Variants in ABL2 observed in about 807,000 individuals in gnomAD.
ABL2 encodes ABL proto-oncogene 2, non-receptor tyrosine kinase, also known as tyrosine-protein kinase ABL2.
Under a neutral mutation model 107.7 loss-of-function variants are expected in ABL2, and 49 were observed. That is an observed-to-expected ratio of 0.45 (90% CI 0.36 to 0.58). The LOEUF (loss-of-function observed/expected upper bound fraction) is 0.58, where lower values mean the gene tolerates loss of function less well. Ranked by LOEUF, ABL2 falls within the 20% of genes least tolerant of loss-of-function variation. ABL2 has a pLI of 0.00. For synonymous variants in ABL2, 549 were observed against 548.6 expected, an observed-to-expected ratio of 1.00 and a Z score of -0.01; for missense variants, 1,245 against 1,457.0, an observed-to-expected ratio of 0.85 and a Z score of 2.37.
intron 1 of ABL2, among the ~76,000 whole-genome samples, chr1:179,225,903 G>T (rs1430252418): frequency 5.3e-5 from 8 of 151,722 alleles, no homozygotes; most frequent in Non-Finnish European, 1.0e-4. Flanking sequence ...AATTAGCCGG[G>T]CGTGGTGGCA....
Position 179,229,300 on chromosome 1 carries a change from C to T in ABL2, c.98G>A (p.Arg33His), listed in dbSNP as rs2124888825. 1.3e-6 allele frequency: 2 copies of T among 1,578,828 alleles called. No homozygotes were observed. The highest frequency in any genetic ancestry group is 1.7e-6 in the Non-Finnish European group (2 of 1,164,546). ...RGSSAARPSG[R>H]RRDPAGRTTE... ...GGTGCGCCCCGCCGGGTCCCGCCTGCGGCCGGAGGGCCTGGCTGCACTGCT... is the reference window on the plus strand; with the variant it reads ...GGTGCGCCCCGCCGGGTCCCGCCTGTGGCCGGAGGGCCTGGCTGCACTGCT... Residue 33 changes from arginine (R) to histidine (H), a missense_variant, in exon 1 of 12, where the codon CGC becomes CAC. Physicochemically the swap from Arg to His is conservative, Grantham distance 29 (BLOSUM62 0). Transcript: ENST00000502732.
chr1:179,146,734 C>A (rs1005909649), intron 1 of ABL2, among the ~76,000 whole-genome samples: 1 of 152,154 alleles, frequency 6.6e-6, no homozygotes, highest in African/African-American at 2.4e-5. Context: ...TCTCCTTGTA[C>A]TCACTCCATC....
chr1:179,208,041 C>G (rs1167957363), intron 1 of ABL2, among the ~76,000 whole-genome samples: 3 of 152,016 alleles, frequency 2.0e-5, no homozygotes, highest in African/African-American at 7.3e-5. Context: ...ACTTCAGACT[C>G]AAGTCCACAA....
chr1:179,179,535 T>C (rs894597929), intron 1 of ABL2, among the ~76,000 whole-genome samples: 2 of 151,742 alleles, frequency 1.3e-5, no homozygotes, highest in African/African-American at 4.8e-5. Flanking sequence ...AAATAAGACA[T>C]GGTCCCTGGC....
intron 5 of ABL2, among the ~76,000 whole-genome samples, chr1:179,120,856 C>A (rs1400765045): frequency 6.6e-6 from 1 of 152,194 alleles, no homozygotes; most frequent in Admixed American, 6.6e-5. Context: ...TAGTTCAGTT[C>A]TCTCATAGTT....
chr1:179,118,790 T>G, intron 6 of ABL2, 26 bp from the exon 7 acceptor site: 2 of 1,610,164 alleles, frequency 1.2e-6, no homozygotes, highest in Non-Finnish European at 1.7e-6. Context: ...TAGTGCTTGT[T>G]TTTATTAGTG....
intron 1 of ABL2, among the ~76,000 whole-genome samples, chr1:179,174,909 TA>T (rs1298351429): frequency 5.1e-5 from 6 of 117,866 alleles, no homozygotes; most frequent in African/African-American, 1.7e-4. Context: ...AAAAAAAAAA[TA>T]AAATAAAAAA....
intron 1 of ABL2, among the ~76,000 whole-genome samples, chr1:179,141,262 AT>A (rs1193436291): frequency 2.6e-5 from 4 of 152,038 alleles, no homozygotes; most frequent in Non-Finnish European, 5.9e-5. Context: ...TTGTACTCCA[AT>A]CTAGACAATA....
rs1663448045 is a variant in ABL2 at position 179,229,637 on chromosome 1, G to GCCGCCC, written c.-241_-240insGGGCGG. 2.1e-6 allele frequency: 1 copy of GCCGCCC among 485,774 alleles called. No individual in the cohort carries two copies. Among genetic ancestry groups the GCCGCCC allele is most frequent in the Non-Finnish European group, 3.6e-6 (1 of 280,968 alleles). The allele number at this position is 485,774 out of a possible 1,614,324, so 30.1% of individuals were successfully genotyped here. ...GTCGCGGCTCCGCGCCCCCAACGCC[G>GCCGCCC]CCGCCGCCGCCGCCGCCACCGCCGC... On this transcript the variant is annotated 5_prime_UTR_variant, in exon 1 of 12. Coordinates refer to ENST00000502732, the MANE Select transcript of ABL2 (RefSeq NM_007314.4).
At chr1:179,180,959 G>A (rs1218743405) in intron 1 of ABL2, among the ~76,000 whole-genome samples, 1 of 152,196 alleles carries the variant, frequency 6.6e-6, no homozygotes. Context: ...GGGGAAAGAA[G>A]AGAATCATAT....
chr1:179,144,956 A>G (rs148912019), intron 1 of ABL2, among the ~76,000 whole-genome samples: 11 of 152,338 alleles, frequency 7.2e-5, no homozygotes, highest in African/African-American at 2.4e-4. Flanking sequence ...TTCTATTTAA[A>G]TTACCAATAA....
chr1:179,131,739 T>C (rs1656351541), intron 2 of ABL2, among the ~76,000 whole-genome samples: 1 of 152,164 alleles, frequency 6.6e-6, no homozygotes, highest in Non-Finnish European at 1.5e-5. Context: ...TTATATGCAC[T>C]CACCAAAATC....
intron 1 of ABL2, among the ~76,000 whole-genome samples, chr1:179,177,909 C>G (rs537852325): frequency 1.3e-5 from 2 of 152,132 alleles, no homozygotes; most frequent in Non-Finnish European, 2.9e-5. Context: ...ACCCACAATA[C>G]GGGATCCAAG....
intron 1 of ABL2, among the ~76,000 whole-genome samples, chr1:179,139,306 A>C (rs976820919): frequency 1.3e-5 from 2 of 151,760 alleles, no homozygotes; most frequent in Admixed American, 1.3e-4. Context: ...CAAACGCGCT[A>C]CCTTAAGAGC....
At chr1:179,116,098 G>A (rs747680117) in intron 8 of ABL2, among the ~76,000 whole-genome samples, 3 of 152,208 alleles carry the variant, frequency 2.0e-5, no homozygotes, top group Non-Finnish European at 4.4e-5. Flanking sequence ...GTGAGGCTGA[G>A]CACAGTGGCT....
chr1:179,167,061 A>C (rs1659429957), intron 1 of ABL2, among the ~76,000 whole-genome samples: 1 of 152,210 alleles, frequency 6.6e-6, no homozygotes, highest in South Asian at 2.1e-4. Flanking sequence ...GTATTAATCC[A>C]AAGGAAAAGA....
In ABL2 at chr1:179,140,338, T is replaced by A. The variant is rs544470651; in HGVS notation, c.158-6964A>T. On this transcript the variant is annotated intron_variant, in intron 1 of 11. Transcript: ENST00000502732. ...CATGACATTTCACCAAATGTTACCT[T>A]CTCAGTATGTCATTCTCTGATTATT... Among the ~76,000 whole-genome samples, 16 of 152,334 alleles carry A rather than the reference T, an allele frequency of 1.1e-4. No homozygotes were observed. The South Asian group carries it at 3.3e-3, about 32-fold the overall frequency.
At chr1:179,184,987 T>G (rs1179562274) in intron 1 of ABL2, among the ~76,000 whole-genome samples, 1 of 152,176 alleles carries the variant, frequency 6.6e-6, no homozygotes, top group African/African-American at 2.4e-5. Context: ...AAAAACCTGC[T>G]CCCTTCACTC....
intron 1 of ABL2, among the ~76,000 whole-genome samples, chr1:179,182,561 G>T (rs1660439479): frequency 6.6e-6 from 1 of 152,088 alleles, no homozygotes; most frequent in South Asian, 2.1e-4. Flanking sequence ...TTAAGATAAT[G>T]GCTTCCAGTT....
Sources: gnomAD v4.1 joint callset for allele counts (sites outside exome capture counted in the v4.1 genomes callset) on GRCh38, gnomAD v4.1.1 for gene constraint, MANE v1.5 for transcripts, NCBI Gene and HGNC (gene_info 2026-07-23, HGNC 2026-07-21) for gene names.